Variants in CSMD1 observed in about 807,000 individuals in gnomAD.
CSMD1 encodes CUB and sushi domain-containing protein 1.
CSMD1 carries 213 observed loss-of-function variants against 417.5 expected under a neutral mutation model. The observed-to-expected ratio is 0.51, with a 90% CI of 0.46 to 0.57. The LOEUF is 0.57. Among genes scored for constraint, CSMD1 ranks in the 20% least tolerant of loss-of-function variants. The pLI, the probability that CSMD1 is intolerant of heterozygous loss-of-function variation, is 0.00. For synonymous variants in CSMD1, 2,862 were observed against 1,736.8 expected (o/e 1.65, Z -16.11); for missense variants, 6,923 against 4,529.7 (o/e 1.53, Z -15.17).
intron 57 of CSMD1, among the ~76,000 whole-genome samples, chr8:2,971,855 G>A (rs899022546): frequency 1.7e-4 from 26 of 152,086 alleles, no homozygotes; most frequent in African/African-American, 6.0e-4. Context: ...TTTGACCTAA[G>A]ACAACTTTTT....
intron 3 of CSMD1, among the ~76,000 whole-genome samples, chr8:4,272,072 G>T (rs1275447087): frequency 6.6e-6 from 1 of 152,044 alleles, no homozygotes; most frequent in East Asian, 1.9e-4. Flanking sequence ...GTTCAAACCT[G>T]CACTGTTCAA....
chr8:3,528,729 T>C (rs1271893601), intron 10 of CSMD1, among the ~76,000 whole-genome samples: 4 of 152,310 alleles, frequency 2.6e-5, no homozygotes, highest in South Asian at 4.1e-4. Flanking sequence ...GGGATTGGAA[T>C]AGTGAATGTT....
intron 3 of CSMD1, among the ~76,000 whole-genome samples, chr8:4,229,903 C>G (rs1035475493): frequency 2.0e-5 from 3 of 152,240 alleles, no homozygotes; most frequent in African/African-American, 7.2e-5. Flanking sequence ...TTGAGTGATA[C>G]TCAATAATAT....
chr8:4,018,681 A>C (rs1470001239), intron 4 of CSMD1, among the ~76,000 whole-genome samples: 1 of 152,194 alleles, frequency 6.6e-6, no homozygotes, highest in Non-Finnish European at 1.5e-5. Context: ...TTTGTTTCTC[A>C]ATTTTAAGTT....
intron 1 of CSMD1, among the ~76,000 whole-genome samples, chr8:4,644,319 G>A (rs1803380251): frequency 6.6e-6 from 1 of 152,066 alleles, no homozygotes; most frequent in Non-Finnish European, 1.5e-5. Context: ...TTTCATTGAG[G>A]CCTCATGCAG....
chr8:3,599,897 C>T (rs1236980066), intron 8 of CSMD1, among the ~76,000 whole-genome samples: 1 of 152,108 alleles, frequency 6.6e-6, no homozygotes, highest in South Asian at 2.1e-4. Flanking sequence ...GACTACCTTC[C>T]CCTTCCAGAG....
At chr8:3,291,073 T>C (rs974993384) in intron 25 of CSMD1, among the ~76,000 whole-genome samples, 3 of 152,196 alleles carry the variant, frequency 2.0e-5, no homozygotes, top group East Asian at 3.9e-4. Context: ...TCTGCATCTT[T>C]TGAGATAATC....
At chr8:4,157,948 A>G (rs1331519399) in intron 3 of CSMD1, among the ~76,000 whole-genome samples, 1 of 152,186 alleles carries the variant, frequency 6.6e-6, no homozygotes, top group African/African-American at 2.4e-5. Context: ...GGTTCAGAAC[A>G]TCTTTTAGCA....
At chr8:4,797,998 C>CA (rs1036540403) in intron 1 of CSMD1, among the ~76,000 whole-genome samples, 1 of 152,164 alleles carries the variant, frequency 6.6e-6, no homozygotes, top group Non-Finnish European at 1.5e-5. Context: ...TTATTCCAGC[C>CA]AAAATCTCGA....
intron 1 of CSMD1, among the ~76,000 whole-genome samples, chr8:4,805,848 G>C (rs1166884144): frequency 6.6e-6 from 1 of 152,108 alleles, no homozygotes; most frequent in African/African-American, 2.4e-5. Context: ...GCTCATTGTG[G>C]GATGCAGCAC....
At chr8:3,325,721 A>G (rs1585003081) in intron 23 of CSMD1, among the ~76,000 whole-genome samples, 1 of 152,096 alleles carries the variant, frequency 6.6e-6, no homozygotes, top group South Asian at 2.1e-4. Context: ...CTACTCGGGA[A>G]GCTGAGGCAA....
intron 1 of CSMD1, among the ~76,000 whole-genome samples, chr8:4,930,014 T>C (rs1807140938): frequency 1.3e-5 from 2 of 152,242 alleles, no homozygotes; most frequent in African/African-American, 2.4e-5. Context: ...ACTGATGAGG[T>C]GAATGAAGAA....
chr8:3,843,814 C>T lies in CSMD1; in HGVS notation c.819-89772G>A, dbSNP rs540670997. Among the ~76,000 whole-genome samples, 7 of 152,222 alleles carry T rather than the reference C, an allele frequency of 4.6e-5. No homozygotes were observed. In the East Asian group the frequency reaches 1.4e-3, roughly 29 times the overall value. On this transcript the variant is annotated intron_variant, in intron 5 of 69. Coordinates refer to ENST00000635120, the MANE Select transcript of CSMD1 (RefSeq NM_033225.6). Reference sequence around the variant, plus strand: ...GTGCATGAAAGTAATACTTCCAAGGCTTGTTTTAGGAATCAAATGGATATA... The same window carrying T: ...GTGCATGAAAGTAATACTTCCAAGGTTTGTTTTAGGAATCAAATGGATATA...
At chr8:4,506,629 C>T (rs1236699220) in intron 2 of CSMD1, among the ~76,000 whole-genome samples, 1 of 152,184 alleles carries the variant, frequency 6.6e-6, no homozygotes, top group Admixed American at 6.5e-5. Flanking sequence ...GAGCAACAAA[C>T]AACCTTGTTT....
intron 3 of CSMD1, among the ~76,000 whole-genome samples, chr8:4,365,033 T>G (rs1801985031): frequency 1.3e-5 from 2 of 152,178 alleles, no homozygotes; most frequent in South Asian, 4.1e-4. Context: ...ATGAAATATG[T>G]TCTCTTTCAA....
At chr8:3,255,531 C>T (rs1327789496) in intron 26 of CSMD1, among the ~76,000 whole-genome samples, 1 of 152,196 alleles carries the variant, frequency 6.6e-6, no homozygotes, top group African/African-American at 2.4e-5. Context: ...TCGAGCTTCC[C>T]ACCTGCTTTG....
intron 1 of CSMD1, among the ~76,000 whole-genome samples, chr8:4,711,002 C>G (rs866670506): frequency 6.6e-6 from 1 of 151,866 alleles, no homozygotes; most frequent in African/African-American, 2.4e-5. Context: ...TGTGAGGTGA[C>G]GGACAGATGT....
intron 41 of CSMD1, among the ~76,000 whole-genome samples, chr8:3,126,511 C>G (rs544936598): frequency 6.6e-6 from 1 of 152,134 alleles, no homozygotes; most frequent in African/African-American, 2.4e-5. Context: ...GCTTCCCTAT[C>G]AATGAAAAGA....
intron 1 of CSMD1, among the ~76,000 whole-genome samples, chr8:4,841,342 C>G (rs1219209947): frequency 6.6e-6 from 1 of 152,198 alleles, no homozygotes; most frequent in Non-Finnish European, 1.5e-5. Flanking sequence ...TTTGGAACTA[C>G]TTTATTCTAC....
Sources: allele counts gnomAD v4.1 joint callset (sites outside exome capture counted in the v4.1 genomes callset), GRCh38; gene constraint gnomAD v4.1.1; transcripts MANE v1.5; gene names NCBI Gene and HGNC (gene_info 2026-07-23, HGNC 2026-07-21).